ADK: variants seen among roughly 807,000 people sequenced by gnomAD.
ADK encodes adenosine kinase, also known as N6,N6-dimethyladenosine kinase.
In ADK, 24 loss-of-function variants were observed where a neutral mutation model predicts 44.7. The ratio of observed to expected loss-of-function variants is 0.54; its 90% CI spans 0.39 to 0.76. The LOEUF is 0.76. Among genes scored for constraint, ADK ranks in the 30% least tolerant of loss-of-function variants. The probability of loss-of-function intolerance (pLI) is 0.00; values close to 1 mark genes in which losing one functional copy is unlikely to be tolerated. For missense variants in ADK, 321 were observed against 425.1 expected (o/e 0.76, Z 2.15); for synonymous variants, 128 against 142.6 (o/e 0.90, Z 0.73).
At position 74,274,732 on chromosome 10, in the gene ADK, G is replaced by GTGTATATATATATATATA. The variant is rs1554836801; in HGVS notation, c.195-39934_195-39933insGTATATATATATATATAT. Among the ~76,000 whole-genome samples the GTGTATATATATATATATA allele has an allele frequency of 1.8e-3, 149 of 84,184 alleles. 7 individuals carry two copies. The highest frequency in any genetic ancestry group is 2.5e-3 in the Non-Finnish European group (99 of 39,182). 55.2% of individuals were successfully genotyped at this position (84,184 alleles called of 152,430 possible). On this transcript the variant is annotated intron_variant, in intron 3 of 10. Coordinates refer to ENST00000539909, the MANE Select transcript of ADK (RefSeq NM_006721.4). ...TAGTAGGAGAAAAATTTTAATGTGT[G>GTGTATATATATATATATA]TATATATATATATATACACACACAC... is the stretch of plus-strand genomic sequence containing the variant.
chr10:74,458,586 T>C (rs922859140), intron 6 of ADK, among the ~76,000 whole-genome samples: 1 of 152,172 alleles, frequency 6.6e-6, no homozygotes, highest in Admixed American at 6.5e-5. Context: ...GAAATATATA[T>C]TATCGTTCAG....
At chr10:74,196,045 C>A (rs1419946971) in intron 1 of ADK, among the ~76,000 whole-genome samples, 5 of 152,006 alleles carry the variant, frequency 3.3e-5, no homozygotes, top group African/African-American at 1.2e-4. Context: ...CTCAAACCAT[C>A]TACATGCCTC....
intron 9 of ADK, among the ~76,000 whole-genome samples, chr10:74,668,380 A>T (rs1217294250): frequency 6.6e-6 from 1 of 152,164 alleles, no homozygotes; most frequent in Non-Finnish European, 1.5e-5. Context: ...ATAACTTTCA[A>T]TTAATCAAAA....
At chr10:74,364,119 T>TGG (rs1842426388) in intron 4 of ADK, among the ~76,000 whole-genome samples, 1 of 152,228 alleles carries the variant, frequency 6.6e-6, no homozygotes, top group African/African-American at 2.4e-5. Context: ...AATTCATACC[T>TGG]GTACCTTCTT....
intron 9 of ADK, chr10:74,655,024 C>G (rs146204516): frequency 4.9e-6 from 1 of 206,036 alleles, no homozygotes; most frequent in Non-Finnish European, 9.8e-6. Context: ...TGACTGGGGC[C>G]CAGGAGCTCA....
intron 1 of ADK, among the ~76,000 whole-genome samples, chr10:74,152,596 T>C (rs188325936): frequency 6.9e-4 from 105 of 152,254 alleles, no homozygotes; most frequent in African/African-American, 2.4e-3. Flanking sequence ...ATATAACCCT[T>C]AGATTTCCTT....
chr10:74,319,266 A>C (rs1333751048), intron 4 of ADK, among the ~76,000 whole-genome samples: 1 of 152,226 alleles, frequency 6.6e-6, no homozygotes, highest in Non-Finnish European at 1.5e-5. Flanking sequence ...TAGCAATTTC[A>C]GAGACTAGGT....
chr10:74,570,333 G>A (rs1004455220), intron 7 of ADK, among the ~76,000 whole-genome samples: 2 of 152,108 alleles, frequency 1.3e-5, no homozygotes, highest in Non-Finnish European at 2.9e-5. Flanking sequence ...AGTTTGATGG[G>A]GATGGCATTG....
At chr10:74,702,149 A>G (rs1265330597) in intron 10 of ADK, among the ~76,000 whole-genome samples, 1 of 151,044 alleles carries the variant, frequency 6.6e-6, no homozygotes, top group Non-Finnish European at 1.5e-5. Flanking sequence ...TCAATCTGGG[A>G]GGGGGTTGGG....
intron 9 of ADK, among the ~76,000 whole-genome samples, chr10:74,611,312 G>A (rs552798804): frequency 6.4e-4 from 98 of 152,108 alleles, no homozygotes; most frequent in Admixed American, 3.5e-3. Context: ...TAGGATTACG[G>A]GTGTGAGCCA....
chr10:74,225,426 T>G (rs1367484618), intron 3 of ADK, among the ~76,000 whole-genome samples: 1 of 152,224 alleles, frequency 6.6e-6, no homozygotes, highest in Non-Finnish European at 1.5e-5. Flanking sequence ...TGGTTTAGTT[T>G]AATGTAACCT....
intron 7 of ADK, among the ~76,000 whole-genome samples, chr10:74,533,791 A>G (rs1849367893): frequency 6.6e-6 from 1 of 151,994 alleles, no homozygotes; most frequent in South Asian, 2.1e-4. Flanking sequence ...CACCCAGGAC[A>G]GATGAAAGCA....
At chr10:74,600,028 G>A (rs530142387) in intron 8 of ADK, among the ~76,000 whole-genome samples, 16 of 152,166 alleles carry the variant, frequency 1.1e-4, no homozygotes, top group African/African-American at 3.9e-4. Flanking sequence ...TAATAGTTTT[G>A]TGGTTATGTT....
intron 6 of ADK, among the ~76,000 whole-genome samples, chr10:74,503,074 T>C (rs1403481918): frequency 1.3e-5 from 2 of 152,204 alleles, no homozygotes; most frequent in African/African-American, 4.8e-5. Context: ...ATTTTCTTCT[T>C]TCCTTTTAGT....
At chr10:74,450,183 A>G (rs980756074) in intron 6 of ADK, among the ~76,000 whole-genome samples, 1 of 152,148 alleles carries the variant, frequency 6.6e-6, no homozygotes, top group African/African-American at 2.4e-5. Flanking sequence ...ACATGGTGGC[A>G]TGTGCCTGTA....
intron 3 of ADK, among the ~76,000 whole-genome samples, chr10:74,262,423 T>C (rs1846072321): frequency 6.6e-6 from 1 of 152,148 alleles, no homozygotes; most frequent in Non-Finnish European, 1.5e-5. Context: ...TTTTATCTTA[T>C]TACTTTCTCT....
intron 4 of ADK, among the ~76,000 whole-genome samples, chr10:74,359,918 T>G (rs1176205163): frequency 2.6e-5 from 4 of 152,160 alleles, no homozygotes; most frequent in Non-Finnish European, 5.9e-5. Context: ...AATGGTTTGC[T>G]TTCTTGATTT....
intron 9 of ADK, among the ~76,000 whole-genome samples, chr10:74,668,486 C>T (rs909689765): frequency 5.9e-5 from 9 of 152,200 alleles, no homozygotes; most frequent in African/African-American, 2.2e-4. Context: ...CACCTAATCC[C>T]AGCACTTTGG....
intron 1 of ADK, among the ~76,000 whole-genome samples, chr10:74,187,970 A>G (rs1842816961): frequency 6.6e-6 from 1 of 152,224 alleles, no homozygotes; most frequent in Admixed American, 6.5e-5. Context: ...AGAATTAATC[A>G]GTGCAGCCGT....
Sources: gnomAD v4.1 joint callset for allele counts (sites outside exome capture counted in the v4.1 genomes callset) on GRCh38, gnomAD v4.1.1 for gene constraint, MANE v1.5 for transcripts, NCBI Gene and HGNC (gene_info 2026-07-23, HGNC 2026-07-21) for gene names.